Variants in FBXL7 observed in about 807,000 individuals in gnomAD.
FBXL7 encodes the protein F-box and leucine rich repeat protein 7.
FBXL7 carries 12 observed loss-of-function variants against 38.3 expected under a neutral mutation model. The ratio of observed to expected loss-of-function variants is 0.31; its 90% CI spans 0.20 to 0.51. FBXL7 has a LOEUF of 0.51. Ranked by LOEUF, FBXL7 falls within the 20% of genes least tolerant of loss-of-function variation. FBXL7 has a pLI of 0.98. For synonymous variants in FBXL7, 297 were observed against 300.9 expected, an observed-to-expected ratio of 0.99 and a Z score of 0.13; for missense variants, 567 against 676.4, an observed-to-expected ratio of 0.84 and a Z score of 1.79.
chr5:15,896,818 C>G (rs1741114331), intron 2 of FBXL7, among the ~76,000 whole-genome samples: 1 of 151,454 alleles, frequency 6.6e-6, no homozygotes, highest in South Asian at 2.1e-4. Flanking sequence ...AGAAAGGTAA[C>G]TATTTAAAGG....
intron 2 of FBXL7, among the ~76,000 whole-genome samples, chr5:15,881,421 C>A (rs1267099754): frequency 6.6e-6 from 1 of 152,076 alleles, no homozygotes; most frequent in Non-Finnish European, 1.5e-5. Flanking sequence ...TTGTCCTTTC[C>A]TTGATTGATG....
chr5:15,677,206 A>G (rs1742686214), intron 2 of FBXL7, among the ~76,000 whole-genome samples: 1 of 152,220 alleles, frequency 6.6e-6, no homozygotes, highest in African/African-American at 2.4e-5. Flanking sequence ...GCAGTGGCTC[A>G]CGCCGGAAAT....
intron 2 of FBXL7, among the ~76,000 whole-genome samples, chr5:15,766,540 G>C (rs750931450): frequency 6.6e-6 from 1 of 152,228 alleles, no homozygotes; most frequent in Admixed American, 6.5e-5. Context: ...TAGTAGCCAG[G>C]AGCCAGATCT....
intron 2 of FBXL7, among the ~76,000 whole-genome samples, chr5:15,848,712 A>T (rs1023894969): frequency 5.9e-5 from 9 of 152,204 alleles, no homozygotes. Context: ...ACTAAGAGAG[A>T]ACTTTAAGTC....
chr5:15,602,733 C>A (rs753524738), intron 1 of FBXL7, among the ~76,000 whole-genome samples: 16 of 152,074 alleles, frequency 1.1e-4, no homozygotes, highest in East Asian at 1.9e-4. Context: ...TACCCTCCCC[C>A]CAAAAAGAAG....
At chr5:15,625,803 T>C (rs1256996292) in intron 2 of FBXL7, among the ~76,000 whole-genome samples, 1 of 152,176 alleles carries the variant, frequency 6.6e-6, no homozygotes, top group Admixed American at 6.5e-5. Flanking sequence ...GAAATATACC[T>C]TGAAGCTGTC....
chr5:15,669,274 A>G (rs1332562532), intron 2 of FBXL7, among the ~76,000 whole-genome samples: 1 of 152,246 alleles, frequency 6.6e-6, no homozygotes. Context: ...AAAGGTGTAC[A>G]TACTTAATGT....
chr5:15,534,029 G>A (rs899934120), intron 1 of FBXL7, among the ~76,000 whole-genome samples: 1 of 151,928 alleles, frequency 6.6e-6, no homozygotes, highest in Admixed American at 6.6e-5. Context: ...ACATTTTAGA[G>A]CAGTTTTAGG....
At chr5:15,786,387 G>T (rs560829897) in intron 2 of FBXL7, among the ~76,000 whole-genome samples, 51 of 152,194 alleles carry the variant, frequency 3.4e-4, no homozygotes, top group African/African-American at 1.2e-3. Context: ...CCACTGCCTG[G>T]ATTTCACTTA....
rs1017025634 is a variant in FBXL7, at chr5:15,821,029, T to G, written c.128-106861T>G. On this transcript the variant is annotated intron_variant, in intron 2 of 3. Coordinates refer to ENST00000504595, the MANE Select transcript of FBXL7 (RefSeq NM_012304.5). ...CTGGGCTGCTGTCCTACTGCAGTAC[T>G]GTCTTCCTGATGGCAAGGATACCGC... 5.3e-5 allele frequency among the ~76,000 whole-genome samples: 8 copies of G among 152,336 alleles called. No individual in the cohort carries two copies. In the East Asian group the frequency reaches 1.5e-3, roughly 29 times the overall value.
intron 2 of FBXL7, among the ~76,000 whole-genome samples, chr5:15,681,971 G>A (rs190549561): frequency 2.1e-4 from 32 of 152,296 alleles, no homozygotes; most frequent in African/African-American, 5.5e-4. Flanking sequence ...TAAACACAGC[G>A]TGTCATTCAC....
intron 2 of FBXL7, among the ~76,000 whole-genome samples, chr5:15,689,022 C>T (rs1403824126): frequency 1.3e-5 from 2 of 152,194 alleles, no homozygotes; most frequent in Non-Finnish European, 2.9e-5. Context: ...AGGCCTCGTC[C>T]TCCATCTCCC....
intron 2 of FBXL7, among the ~76,000 whole-genome samples, chr5:15,779,322 T>C (rs1299687934): frequency 6.6e-6 from 1 of 152,066 alleles, no homozygotes; most frequent in African/African-American, 2.4e-5. Flanking sequence ...ATTATATATT[T>C]CAAGGTAGCT....
chr5:15,779,941 C>T (rs1312713951), intron 2 of FBXL7, among the ~76,000 whole-genome samples: 1 of 152,164 alleles, frequency 6.6e-6, no homozygotes, highest in Non-Finnish European at 1.5e-5. Context: ...CTCTCCAAAC[C>T]TAATCACCTT....
intron 1 of FBXL7, among the ~76,000 whole-genome samples, chr5:15,506,026 C>G (rs528336731): frequency 6.6e-6 from 1 of 152,268 alleles, no homozygotes; most frequent in South Asian, 2.1e-4. Flanking sequence ...GACAGCAAAG[C>G]TAGCAGGAAT....
chr5:15,773,366 AG>A (rs1454447870), intron 2 of FBXL7, among the ~76,000 whole-genome samples: 3 of 152,148 alleles, frequency 2.0e-5, no homozygotes, highest in African/African-American at 7.2e-5. Context: ...TTTCCTGGCC[AG>A]GTGTTGTGGC....
chr5:15,930,177 A>G (rs1742002102), intron 3 of FBXL7, among the ~76,000 whole-genome samples: 1 of 152,236 alleles, frequency 6.6e-6, no homozygotes, highest in African/African-American at 2.4e-5. Flanking sequence ...ATCGAGAAGC[A>G]GGAAACCAGG....
intron 2 of FBXL7, among the ~76,000 whole-genome samples, chr5:15,840,432 G>A (rs1404646236): frequency 6.6e-6 from 1 of 152,126 alleles, no homozygotes; most frequent in Non-Finnish European, 1.5e-5. Context: ...AGTTTGTCAA[G>A]TTCCACAGAT....
chr5:15,508,540 G>A (rs1288218062), intron 1 of FBXL7, among the ~76,000 whole-genome samples: 3 of 152,128 alleles, frequency 2.0e-5, no homozygotes, highest in Non-Finnish European at 4.4e-5. Context: ...ATGGGAAGGT[G>A]GTAATCACAG....
Sources: allele counts gnomAD v4.1 joint callset (sites outside exome capture counted in the v4.1 genomes callset), GRCh38; gene constraint gnomAD v4.1.1; transcripts MANE v1.5; gene names NCBI Gene and HGNC (gene_info 2026-07-23, HGNC 2026-07-21).